Variants in SLC15A5 observed in about 807,000 individuals in gnomAD.
The protein encoded by SLC15A5 is Peptide/histidine transporter ENSP00000340402.
A neutral mutation model predicts 56.1 loss-of-function variants in SLC15A5; 58 were observed. That is an observed-to-expected ratio of 1.03 (90% CI 0.84 to 1.29). SLC15A5 has a LOEUF of 1.29. SLC15A5 is among the 50% of genes most tolerant of loss of function. The pLI, the probability that SLC15A5 is intolerant of heterozygous loss-of-function variation, is 0.00. For synonymous variants in SLC15A5, 264 were observed against 250.5 expected (o/e 1.05, Z -0.51); for missense variants, 681 against 672.1 (o/e 1.01, Z -0.15).
intron 7 of SLC15A5, among the ~76,000 whole-genome samples, chr12:16,198,230 T>C (rs1863915123): frequency 1.3e-5 from 2 of 152,188 alleles, no homozygotes; most frequent in South Asian, 4.1e-4. Flanking sequence ...TATTTGTTCA[T>C]TTGAAAGTCA....
chr12:16,245,823 C>T lies in SLC15A5; in HGVS notation c.755-1023G>A, dbSNP rs1864455726. On this transcript the variant is annotated intron_variant, in intron 3 of 8. Transcript: ENST00000344941. ...TGTTCAAGTTTCCTATAATAAAATT[C>T]TAGATAAAATGCATTCTAATGAAAT... Among the ~76,000 whole-genome samples the T allele has an allele frequency of 2.0e-5, 3 of 152,132 alleles. No homozygotes were observed. The South Asian group carries it at 6.2e-4, about 32-fold the overall frequency.
At chr12:16,203,496 T>C (rs1248091624) in intron 7 of SLC15A5, among the ~76,000 whole-genome samples, 3 of 152,122 alleles carry the variant, frequency 2.0e-5, no homozygotes, top group African/African-American at 7.2e-5. Context: ...TAAGGTGATC[T>C]TAATAGCTAC....
At position 16,271,952 on chromosome 12, in the gene SLC15A5, C is replaced by T. The variant is rs1425978805; in HGVS notation, c.584+609G>A. On this transcript the variant is annotated intron_variant, in intron 2 of 8. Transcript: ENST00000344941. The surrounding 1 kb of genome is among the most constrained non-coding windows in gnomAD (Gnocchi z 8.0). ...TGTTGGGAGCGAACTGGGTGAGAAA[C>T]AGAGATGCTGGGTGATGCTTTAACA... is the stretch of plus-strand genomic sequence containing the variant. 6.6e-6 allele frequency among the ~76,000 whole-genome samples: 1 copy of T among 152,160 alleles called. No individual in the cohort carries two copies. The highest frequency in any genetic ancestry group is 1.9e-4 in the East Asian group (1 of 5,192).
chr12:16,200,861 A>G (rs1863948191), intron 7 of SLC15A5, among the ~76,000 whole-genome samples: 1 of 152,134 alleles, frequency 6.6e-6, no homozygotes, highest in Non-Finnish European at 1.5e-5. Flanking sequence ...AAACAAATCT[A>G]AGGAAAGTAG....
intron 7 of SLC15A5, among the ~76,000 whole-genome samples, chr12:16,207,343 C>T (rs1233427470): frequency 6.6e-6 from 1 of 152,092 alleles, no homozygotes; most frequent in Non-Finnish European, 1.5e-5. Context: ...ACAGTCTGTT[C>T]TTCATTTGCA....
chr12:16,262,446 C>G (rs571549366), intron 2 of SLC15A5, among the ~76,000 whole-genome samples: 1 of 152,268 alleles, frequency 6.6e-6, no homozygotes, highest in East Asian at 1.9e-4. Flanking sequence ...GGTCTGTGAT[C>G]TTCTACTCTC....
At chr12:16,255,857 A>T (rs1005162303) in intron 3 of SLC15A5, among the ~76,000 whole-genome samples, 3 of 152,168 alleles carry the variant, frequency 2.0e-5, no homozygotes, top group Non-Finnish European at 4.4e-5. Flanking sequence ...CAGACAATAT[A>T]TATGCCTACA....
intron 7 of SLC15A5, among the ~76,000 whole-genome samples, chr12:16,213,074 T>A (rs1045502904): frequency 3.3e-5 from 5 of 152,166 alleles, no homozygotes; most frequent in African/African-American, 1.2e-4. Flanking sequence ...CTTGTCCTGA[T>A]TGTACCCATT....
At chr12:16,209,337 A>G (rs1338034882) in intron 7 of SLC15A5, among the ~76,000 whole-genome samples, 1 of 151,630 alleles carries the variant, frequency 6.6e-6, no homozygotes, top group Non-Finnish European at 1.5e-5. Flanking sequence ...GCTGCTATGT[A>G]TTTTCTGTGG....
At chr12:16,272,838 A>G (rs1297081392) in intron 1 of SLC15A5, 55 bp from the exon 2 acceptor site, 1 of 1,432,186 alleles carries the variant, frequency 7.0e-7, no homozygotes. Flanking sequence ...TGGATCACCA[A>G]ATCACATTTT....
intron 5 of SLC15A5, among the ~76,000 whole-genome samples, chr12:16,238,269 A>G (rs2136256938): frequency 6.6e-6 from 1 of 152,284 alleles, no homozygotes. Context: ...AACTTCTGTA[A>G]ACAGAGAAGC....
chr12:16,259,401 C>T (rs1455614220), intron 2 of SLC15A5, among the ~76,000 whole-genome samples: 1 of 151,228 alleles, frequency 6.6e-6, no homozygotes, highest in African/African-American at 2.4e-5. Flanking sequence ...TTCCTTCCTT[C>T]GTCCCTCCCT....
intron 7 of SLC15A5, among the ~76,000 whole-genome samples, chr12:16,210,667 T>TA (rs1273753568): frequency 1.3e-5 from 2 of 152,146 alleles, no homozygotes; most frequent in Non-Finnish European, 2.9e-5. Context: ...TGGGACTCAG[T>TA]ATGGTTAAGT....
intron 2 of SLC15A5, among the ~76,000 whole-genome samples, chr12:16,270,951 C>T (rs1418703030): frequency 6.6e-6 from 1 of 152,172 alleles, no homozygotes; most frequent in Non-Finnish European, 1.5e-5. Flanking sequence ...GTTCTTTTAT[C>T]ACATTAAAAA....
chr12:16,199,836 CATT>C (rs1293177391), intron 7 of SLC15A5, among the ~76,000 whole-genome samples: 2 of 152,018 alleles, frequency 1.3e-5, no homozygotes, highest in African/African-American at 4.8e-5. Flanking sequence ...AAAAATAAAA[CATT>C]ATAGGTGAGT....
chr12:16,215,435 A>C (rs1565660514), intron 7 of SLC15A5, among the ~76,000 whole-genome samples: 2 of 152,180 alleles, frequency 1.3e-5, no homozygotes, highest in Admixed American at 6.5e-5. Context: ...AAATATCTTC[A>C]CTGAGTAATG....
chr12:16,276,062 G>A (rs1864815108), intron 1 of SLC15A5, among the ~76,000 whole-genome samples: 1 of 151,834 alleles, frequency 6.6e-6, no homozygotes, highest in South Asian at 2.1e-4. Context: ...ACTTTAGCAG[G>A]AACAGACGAC....
chr12:16,247,932 G>T (rs1864478544), intron 3 of SLC15A5, among the ~76,000 whole-genome samples: 1 of 152,100 alleles, frequency 6.6e-6, no homozygotes, highest in Admixed American at 6.6e-5. Flanking sequence ...GGGACCTGGG[G>T]AACAGGCAAG....
At position 16,189,142 on chromosome 12, in the gene SLC15A5, A is replaced by G. The variant is rs571752920; in HGVS notation, c.*526T>C. ...TTTAAATTCAGAGAAAATGTCCTTA[A>G]TGAAGTCATATTTTGATAGCATAAT... On this transcript the variant is annotated 3_prime_UTR_variant, in exon 9 of 9. Coordinates refer to ENST00000344941, the MANE Select transcript of SLC15A5 (RefSeq NM_001170798.1). 24 of 152,288 alleles carry G rather than the reference A, an allele frequency of 1.6e-4. No homozygotes were observed. The highest frequency in any genetic ancestry group is 5.5e-4 in the African/African-American group (23 of 41,588). The allele number at this position is 152,288 out of a possible 1,614,324, so 9.4% of individuals were successfully genotyped here.
Sources: gnomAD v4.1 joint callset for allele counts (sites outside exome capture counted in the v4.1 genomes callset) on GRCh38, gnomAD v4.1.1 for gene constraint, Gnocchi (gnomAD v3.1) non-coding constraint, MANE v1.5 for transcripts, NCBI Gene and HGNC (gene_info 2026-07-23, HGNC 2026-07-21) for gene names.